Variants in ALK observed in about 807,000 individuals in gnomAD.
The protein encoded by ALK is ALK receptor tyrosine kinase.
In ALK, 74 loss-of-function variants were observed where a neutral mutation model predicts 163.1. The observed-to-expected ratio is 0.45, with a 90% CI of 0.38 to 0.55. ALK has a LOEUF of 0.55. Ranked by LOEUF, ALK falls within the 20% of genes least tolerant of loss-of-function variation. ALK has a pLI of 0.00. For missense variants in ALK, 2,063 were observed against 2,105.3 expected, an observed-to-expected ratio of 0.98 and a Z score of 0.39; for synonymous variants, 960 against 843.2, an observed-to-expected ratio of 1.14 and a Z score of -2.40.
intron 1 of ALK, among the ~76,000 whole-genome samples, chr2:29,858,561 C>T (rs565422141): frequency 3.1e-4 from 46 of 150,050 alleles, no homozygotes; most frequent in South Asian, 1.5e-3. Flanking sequence ...GGCGAAACTC[C>T]GTCTCTACTA....
At chr2:29,430,313 G>C (rs1249912738) in intron 4 of ALK, among the ~76,000 whole-genome samples, 2 of 152,168 alleles carry the variant, frequency 1.3e-5, no homozygotes, top group African/African-American at 4.8e-5. Flanking sequence ...GATGAGACTT[G>C]TATCTAGAAT....
intron 1 of ALK, among the ~76,000 whole-genome samples, chr2:29,866,718 T>C (rs979820789): frequency 6.6e-6 from 1 of 152,090 alleles, no homozygotes; most frequent in Non-Finnish European, 1.5e-5. Flanking sequence ...ACTTCGTAAT[T>C]AAAGGGGTTG....
At position 29,586,044 on chromosome 2, in the gene ALK, A is replaced by C. The variant is rs527933579; in HGVS notation, c.953-53928T>G. ...ATAAAAAGCATGCCTATTTCATCAC[A>C]ACCTCATTGGCATTATTGTGTTATT... On this transcript the variant is annotated intron_variant, in intron 3 of 28. Transcript: ENST00000389048. 2.0e-5 allele frequency among the ~76,000 whole-genome samples: 3 copies of C among 152,302 alleles called. No individual in the cohort carries two copies. The South Asian group carries it at 6.2e-4, about 32-fold the overall frequency.
chr2:29,337,181 A>G (rs1667641167), intron 5 of ALK, among the ~76,000 whole-genome samples: 1 of 152,236 alleles, frequency 6.6e-6, no homozygotes, highest in Admixed American at 6.5e-5. Flanking sequence ...AGCCTGGCAG[A>G]GACCAGTCCT....
chr2:29,898,417 A>G (rs1667327753), intron 1 of ALK, among the ~76,000 whole-genome samples: 1 of 152,238 alleles, frequency 6.6e-6, no homozygotes, highest in Non-Finnish European at 1.5e-5. Flanking sequence ...GTGACTAATT[A>G]TATCAGGAAT....
At chr2:29,839,739 AT>A (rs1665652759) in intron 1 of ALK, among the ~76,000 whole-genome samples, 2 of 152,008 alleles carry the variant, frequency 1.3e-5, no homozygotes, top group South Asian at 4.2e-4. Flanking sequence ...GTCCAGGGTC[AT>A]TCCCCACAAA....
intron 13 of ALK, among the ~76,000 whole-genome samples, chr2:29,236,977 T>C (rs1305644166): frequency 6.6e-6 from 1 of 152,204 alleles, no homozygotes; most frequent in African/African-American, 2.4e-5. Flanking sequence ...GATATTGAAC[T>C]CCTGATCTTG....
chr2:29,619,335 T>C (rs976624680), intron 3 of ALK, among the ~76,000 whole-genome samples: 1 of 152,236 alleles, frequency 6.6e-6, no homozygotes, highest in African/African-American at 2.4e-5. Context: ...GTATCATTGG[T>C]GCTTTCACGG....
At chr2:29,610,906 C>CT (rs1675672792) in intron 3 of ALK, among the ~76,000 whole-genome samples, 1 of 152,192 alleles carries the variant, frequency 6.6e-6, no homozygotes, top group South Asian at 2.1e-4. Flanking sequence ...GTTGCTGACA[C>CT]TGTACTTCCT....
intron 1 of ALK, among the ~76,000 whole-genome samples, chr2:29,903,476 CAACCCTAACATA>C (rs1667466915): frequency 6.6e-6 from 1 of 152,100 alleles, no homozygotes; most frequent in African/African-American, 2.4e-5. Flanking sequence ...CCCTCAGTCC[CAACCCTAACATA>C]AACCCTACCC....
At chr2:29,355,362 G>A (rs2148282699) in intron 5 of ALK, among the ~76,000 whole-genome samples, 1 of 152,222 alleles carries the variant, frequency 6.6e-6, no homozygotes, top group East Asian at 1.9e-4. Context: ...CTGTTTTTAT[G>A]TAATTTCTCT....
intron 2 of ALK, among the ~76,000 whole-genome samples, chr2:29,701,231 T>C (rs1678724597): frequency 6.6e-6 from 1 of 152,214 alleles, no homozygotes; most frequent in Non-Finnish European, 1.5e-5. Flanking sequence ...TTATGCCTCC[T>C]TAACCTTGAG....
At chr2:29,726,069 GT>G (rs1371290575) in intron 1 of ALK, among the ~76,000 whole-genome samples, 5 of 152,268 alleles carry the variant, frequency 3.3e-5, no homozygotes, top group Admixed American at 6.5e-5. Context: ...CTGGCTTTTG[GT>G]AGCTGTGGAA....
chr2:29,291,817 T>C (rs770628064), intron 9 of ALK, among the ~76,000 whole-genome samples: 19 of 152,338 alleles, frequency 1.2e-4, no homozygotes, highest in South Asian at 8.3e-4. Flanking sequence ...ACTATTTCTC[T>C]ACACAGATAA....
chr2:29,678,051 G>A (rs1677937702), intron 3 of ALK, among the ~76,000 whole-genome samples: 1 of 151,888 alleles, frequency 6.6e-6, no homozygotes, highest in African/African-American at 2.4e-5. Context: ...TTTTATCTAA[G>A]TTGTCATATA....
At chr2:29,267,454 G>C (rs1430073418) in intron 11 of ALK, among the ~76,000 whole-genome samples, 1 of 152,136 alleles carries the variant, frequency 6.6e-6, no homozygotes, top group Non-Finnish European at 1.5e-5. Context: ...TAACTATCCA[G>C]GCACCCCAAA....
rs138434035 is a variant in ALK at position 29,912,402 on chromosome 2, G to A, written c.667+7591C>T. Among the ~76,000 whole-genome samples, 374 of 152,142 alleles carry A rather than the reference G, an allele frequency of 2.5e-3. 2 individuals are homozygous for A. Among genetic ancestry groups the A allele is most frequent in the African/African-American group, 8.5e-3 (352 of 41,520 alleles). On this transcript the variant is annotated intron_variant, in intron 1 of 28. Transcript: ENST00000389048. ...CAGATTGCTCATCACAAACTATGAA[G>A]GACACAGGAACAAAATAGTTAAAGT...
chr2:29,920,325 G>C lies in ALK; in HGVS notation c.335C>G (p.Ala112Gly). 2 of 1,554,198 alleles carry C rather than the reference G, an allele frequency of 1.3e-6. No homozygotes were observed. The highest frequency in any genetic ancestry group is 1.7e-6 in the Non-Finnish European group (2 of 1,150,458). ...GGCCTCTGCCGGGGCTGGTGAACCG[G>C]CGGTCCAGGAGACCCCCGGCGCCGG... The part of the protein sequence containing the change: ...LGPAPGVSWT[A>G]GSPAPAEART... The change falls in exon 1 of 29, where the codon GCC becomes GGC. Residue 112 changes from alanine to glycine, a missense_variant. By Grantham distance (60) the Ala-to-Gly change is moderately conservative (BLOSUM62 0). Transcript: ENST00000389048.
At chr2:29,771,741 A>G (rs1318899920) in intron 1 of ALK, among the ~76,000 whole-genome samples, 3 of 151,986 alleles carry the variant, frequency 2.0e-5, no homozygotes, top group Non-Finnish European at 2.9e-5. Context: ...TCACCGTGTT[A>G]GCCAGGATGG....
Sources: gnomAD v4.1 joint callset for allele counts (sites outside exome capture counted in the v4.1 genomes callset) on GRCh38, gnomAD v4.1.1 for gene constraint, MANE v1.5 for transcripts, NCBI Gene and HGNC (gene_info 2026-07-23, HGNC 2026-07-21) for gene names.